Variants in HMGCLL1 observed in about 807,000 individuals in gnomAD.
HMGCLL1 encodes the protein 3-hydroxymethyl-3-methylglutaryl-CoA lyase, cytoplasmic.
In HMGCLL1, 36 loss-of-function variants were observed where a neutral mutation model predicts 39.1. That is an observed-to-expected ratio of 0.92 (90% CI 0.71 to 1.22). The LOEUF (loss-of-function observed/expected upper bound fraction) is 1.22. HMGCLL1 is among the 50% of genes most tolerant of loss of function. The pLI is 0.00. For missense variants in HMGCLL1, 451 were observed against 416.5 expected (o/e 1.08, Z -0.72); for synonymous variants, 149 against 144.0 (o/e 1.03, Z -0.25).
At chr6:55,562,443 CT>C (rs1201664242) in intron 1 of HMGCLL1, among the ~76,000 whole-genome samples, 1 of 152,018 alleles carries the variant, frequency 6.6e-6, no homozygotes, top group African/African-American at 2.4e-5. Context: ...ATTTTTAACG[CT>C]GAGTACTTCG....
chr6:55,673,352 TG>T, the HMGCLL1 span, among the ~76,000 whole-genome samples: 1 of 151,984 alleles, frequency 6.6e-6, no homozygotes, highest in East Asian at 1.9e-4. Context: ...TTACTGAGCC[TG>T]TACTATGTAT....
chr6:55,540,782 G>T (rs967350394), intron 3 of HMGCLL1, among the ~76,000 whole-genome samples: 1 of 152,070 alleles, frequency 6.6e-6, no homozygotes. Context: ...GGTGGAGATG[G>T]TACATCCACC....
chr6:55,637,738 GTA>G, the HMGCLL1 span, among the ~76,000 whole-genome samples: 31 of 143,426 alleles, frequency 2.2e-4, no homozygotes, highest in South Asian at 8.8e-4. Flanking sequence ...GTGTGTGTGT[GTA>G]TGTGTCTGTG....
chr6:55,479,203 G>A (rs1765604661), intron 7 of HMGCLL1, among the ~76,000 whole-genome samples: 1 of 151,566 alleles, frequency 6.6e-6, no homozygotes, highest in Admixed American at 6.6e-5. Context: ...CATACAACAG[G>A]AAAGTCCTGT....
chr6:55,500,853 A>G (rs553171604), intron 5 of HMGCLL1, among the ~76,000 whole-genome samples: 2 of 152,130 alleles, frequency 1.3e-5, no homozygotes, highest in South Asian at 4.1e-4. Flanking sequence ...GCTAATATAT[A>G]AATACATTGA....
chr6:55,506,134 G>A (rs1181588132), intron 5 of HMGCLL1, among the ~76,000 whole-genome samples: 3 of 151,706 alleles, frequency 2.0e-5, no homozygotes, highest in African/African-American at 7.3e-5. Context: ...AAAGCTTCCT[G>A]TGTCAAGCTC....
chr6:55,516,480 A>G (rs1468085141), intron 4 of HMGCLL1, 28 bp downstream of exon 4: 3 of 1,441,904 alleles, frequency 2.1e-6, no homozygotes, highest in East Asian at 4.6e-5. Context: ...AGGCCTATCA[A>G]TTTTAGAGAT....
chr6:55,584,637 G>A, the HMGCLL1 span, among the ~76,000 whole-genome samples: 1 of 152,046 alleles, frequency 6.6e-6, no homozygotes, highest in Non-Finnish European at 1.5e-5. Flanking sequence ...GGAAGTACTT[G>A]GGTGAGAAGG....
chr6:55,635,809 C>T, the HMGCLL1 span, among the ~76,000 whole-genome samples: 2 of 152,136 alleles, frequency 1.3e-5, no homozygotes, highest in African/African-American at 2.4e-5. Flanking sequence ...TTGATGCTGG[C>T]CATTGCTGAA....
intron 7 of HMGCLL1, among the ~76,000 whole-genome samples, chr6:55,449,179 C>T (rs1157807299): frequency 6.6e-6 from 1 of 152,162 alleles, no homozygotes; most frequent in Non-Finnish European, 1.5e-5. Flanking sequence ...TAGTTTATTA[C>T]CAAAAATCTG....
chr6:55,605,712 C>T, the HMGCLL1 span, among the ~76,000 whole-genome samples: 1 of 152,124 alleles, frequency 6.6e-6, no homozygotes, highest in Non-Finnish European at 1.5e-5. Context: ...TGATGGTTTT[C>T]TATTTTCTAT....
intron 1 of HMGCLL1, among the ~76,000 whole-genome samples, chr6:55,543,771 G>A (rs1769789729): frequency 6.6e-6 from 1 of 151,404 alleles, no homozygotes; most frequent in Non-Finnish European, 1.5e-5. Flanking sequence ...TACTTGGAAG[G>A]CTGAGGTGGG....
intron 1 of HMGCLL1, among the ~76,000 whole-genome samples, chr6:55,549,967 T>C (rs1177221701): frequency 6.6e-6 from 1 of 151,962 alleles, no homozygotes; most frequent in Non-Finnish European, 1.5e-5. Flanking sequence ...TCCATCAAAA[T>C]ACAGCTTTAT....
At chr6:55,536,799 G>C (rs1419744922) in intron 3 of HMGCLL1, among the ~76,000 whole-genome samples, 1 of 152,060 alleles carries the variant, frequency 6.6e-6, no homozygotes, top group Admixed American at 6.6e-5. Context: ...TTAGCTGTTT[G>C]AGTTAGAAAG....
At chr6:55,537,112 A>C (rs1769080258) in intron 3 of HMGCLL1, among the ~76,000 whole-genome samples, 1 of 129,300 alleles carries the variant, frequency 7.7e-6, no homozygotes, top group African/African-American at 2.7e-5. Flanking sequence ...TTTTTCCAAA[A>C]TAAGAGAGTA....
intron 1 of HMGCLL1, chr6:55,566,410 G>A (rs764590224): frequency 7.4e-5 from 20 of 271,310 alleles, no homozygotes; most frequent in Admixed American, 1.3e-4. Flanking sequence ...TTATGTAGTT[G>A]AAGTTTTCTG....
At chr6:55,577,091 G>A (rs939444543) in intron 1 of HMGCLL1, 4 of 1,613,564 alleles carry the variant, frequency 2.5e-6, no homozygotes, top group African/African-American at 1.3e-5. Flanking sequence ...GTGGATACAA[G>A]CCACCGTGCC....
intron 1 of HMGCLL1, among the ~76,000 whole-genome samples, chr6:55,542,472 T>TA (rs1234459196): frequency 1.3e-5 from 2 of 152,042 alleles, no homozygotes; most frequent in South Asian, 4.1e-4. Flanking sequence ...TAACTACTGT[T>TA]AGAGTTCATT....
the HMGCLL1 span, among the ~76,000 whole-genome samples, chr6:55,623,864 G>A: frequency 6.6e-6 from 1 of 151,976 alleles, no homozygotes; most frequent in Non-Finnish European, 1.5e-5. Flanking sequence ...GTATGTCTAT[G>A]CCTATGCCAA....
Sources: allele counts gnomAD v4.1 joint callset (sites outside exome capture counted in the v4.1 genomes callset), GRCh38; gene constraint gnomAD v4.1.1; transcripts MANE v1.5; gene names NCBI Gene and HGNC (gene_info 2026-07-23, HGNC 2026-07-21).